Variants in GPC5 observed in about 807,000 individuals in gnomAD.
The protein encoded by GPC5 is glypican-5.
A neutral mutation model predicts 53.9 loss-of-function variants in GPC5; 47 were observed. The ratio of observed to expected loss-of-function variants is 0.87; its 90% CI spans 0.69 to 1.11. The LOEUF (loss-of-function observed/expected upper bound fraction) is 1.11. Ranked by LOEUF, GPC5 falls within the 50% of genes most tolerant of loss-of-function variation. The probability of loss-of-function intolerance (pLI) is 0.00; values close to 1 mark genes in which losing one functional copy is unlikely to be tolerated. For synonymous variants in GPC5, 286 were observed against 263.3 expected, an observed-to-expected ratio of 1.09 and a Z score of -0.84; for missense variants, 748 against 713.1, an observed-to-expected ratio of 1.05 and a Z score of -0.56.
At chr13:92,794,487 CCT>C (rs1285286448) in intron 7 of GPC5, among the ~76,000 whole-genome samples, 2 of 152,040 alleles carry the variant, frequency 1.3e-5, no homozygotes, top group Non-Finnish European at 2.9e-5. Context: ...ACAAGGATGC[CCT>C]CTCTCACCAT....
chr13:92,197,993 T>C (rs1280890002), intron 7 of GPC5, among the ~76,000 whole-genome samples: 2 of 152,278 alleles, frequency 1.3e-5, no homozygotes, highest in East Asian at 1.9e-4. Context: ...TCAAAGTCCT[T>C]GCACTTGTTA....
At chr13:92,006,964 T>G (rs2040612734) in intron 6 of GPC5, among the ~76,000 whole-genome samples, 1 of 140,942 alleles carries the variant, frequency 7.1e-6, no homozygotes, top group South Asian at 2.1e-4. Context: ...CTGCTTTAAT[T>G]ACATATCTTC....
intron 6 of GPC5, among the ~76,000 whole-genome samples, chr13:92,035,540 C>T (rs1240410373): frequency 6.6e-6 from 1 of 152,046 alleles, no homozygotes; most frequent in Admixed American, 6.5e-5. Context: ...TATTTCTCTG[C>T]CTTTACAGAA....
chr13:92,489,277 A>G (rs958617433), intron 7 of GPC5, among the ~76,000 whole-genome samples: 1 of 152,168 alleles, frequency 6.6e-6, no homozygotes, highest in Non-Finnish European at 1.5e-5. Context: ...ATACATATTT[A>G]TCAAGTATTA....
chr13:91,412,258 T>C (rs1566372775), intron 1 of GPC5, among the ~76,000 whole-genome samples: 1 of 152,256 alleles, frequency 6.6e-6, no homozygotes, highest in Non-Finnish European at 1.5e-5. Flanking sequence ...CGTGGCTGAA[T>C]TGCTCAATCA....
intron 7 of GPC5, among the ~76,000 whole-genome samples, chr13:92,291,226 T>G (rs1234684104): frequency 6.6e-6 from 1 of 151,848 alleles, no homozygotes; most frequent in Non-Finnish European, 1.5e-5. Context: ...GGCTGAGGAG[T>G]GCGGGCGCAT....
Position 92,866,309 on chromosome 13 carries a change from A to T in GPC5, c.1589A>T (p.Asp530Val), listed in dbSNP as rs750379314. The T allele has an allele frequency of 6.2e-7, 1 of 1,612,266 alleles. No homozygotes were observed. The highest frequency in any genetic ancestry group is 8.5e-7 in the Non-Finnish European group (1 of 1,178,840). ...ATGCCAGATGATATGAACTTCAGTGATGTAAAGCAAATCCATCAAACAGAC... is the reference window on the plus strand; with the variant it reads ...ATGCCAGATGATATGAACTTCAGTGTTGTAAAGCAAATCCATCAAACAGAC... Reference protein sequence around the residue: ...DWMPDDMNFSDVKQIHQTDTG... With the variant: ...DWMPDDMNFSVVKQIHQTDTG... Residue 530 changes from aspartate (D) to valine (V), a missense_variant, in exon 8 of 8, where the codon GAT becomes GTT. Asp to Val is a radical substitution (Grantham distance 152). Transcript: ENST00000377067.
intron 6 of GPC5, among the ~76,000 whole-genome samples, chr13:92,027,895 T>C (rs888491836): frequency 5.9e-5 from 9 of 152,200 alleles, no homozygotes; most frequent in Non-Finnish European, 1.0e-4. Context: ...CCAATATGTC[T>C]TATCCCATCC....
intron 2 of GPC5, among the ~76,000 whole-genome samples, chr13:91,580,728 G>A (rs958914574): frequency 6.6e-6 from 1 of 152,138 alleles, no homozygotes; most frequent in African/African-American, 2.4e-5. Flanking sequence ...CCTATTCCTT[G>A]CCATGCACAC....
chr13:92,114,601 G>C (rs2041585462), intron 6 of GPC5, among the ~76,000 whole-genome samples: 1 of 152,164 alleles, frequency 6.6e-6, no homozygotes, highest in Admixed American at 6.5e-5. Flanking sequence ...AAATGAGAGA[G>C]AACTGACATG....
intron 5 of GPC5, among the ~76,000 whole-genome samples, chr13:91,805,004 T>C (rs2038197424): frequency 1.3e-5 from 2 of 152,152 alleles, no homozygotes; most frequent in Admixed American, 1.3e-4. Context: ...GTGAACTGAT[T>C]TAGAGCTGCA....
At chr13:91,669,400 A>G in intron 2 of GPC5, among the ~76,000 whole-genome samples, 1 of 152,238 alleles carries the variant, frequency 6.6e-6, no homozygotes, top group Non-Finnish European at 1.5e-5. Context: ...TCCACAATAG[A>G]ATAGTACATT....
rs369800864 is a variant in GPC5 at position 91,878,208 on chromosome 13, T to C, written c.1281-29729T>C. 3.9e-5 allele frequency among the ~76,000 whole-genome samples: 6 copies of C among 152,118 alleles called. No homozygotes were observed. In the East Asian group the frequency reaches 5.8e-4, roughly 15 times the overall value. On this transcript the variant is annotated intron_variant, in intron 5 of 7. Coordinates refer to ENST00000377067, the MANE Select transcript of GPC5 (RefSeq NM_004466.6). ...GAAGTAGTTTGTGTAATAATATGAG[T>C]TTTCCACAGGTAATGTTCATATAAG...
intron 7 of GPC5, among the ~76,000 whole-genome samples, chr13:92,171,932 T>G (rs73622759): frequency 0.013 from 1,931 of 152,326 alleles, 55 homozygotes; most frequent in African/African-American, 0.043. Context: ...AGCTTCCTTG[T>G]ACTACCAACT....
chr13:92,120,397 A>G (rs1270303218), intron 6 of GPC5, among the ~76,000 whole-genome samples: 1 of 152,154 alleles, frequency 6.6e-6, no homozygotes, highest in Non-Finnish European at 1.5e-5. Flanking sequence ...AGCTGGGACT[A>G]CAGGTGTGCA....
intron 7 of GPC5, among the ~76,000 whole-genome samples, chr13:92,783,621 C>T (rs1876109321): frequency 6.6e-6 from 1 of 152,146 alleles, no homozygotes; most frequent in African/African-American, 2.4e-5. Context: ...GGCCAGAATC[C>T]ATTAGTTTCC....
At chr13:92,134,825 CGT>C (rs1366945282) in intron 6 of GPC5, among the ~76,000 whole-genome samples, 11 of 152,022 alleles carry the variant, frequency 7.2e-5, no homozygotes, top group African/African-American at 2.4e-4. Flanking sequence ...TATACATTTT[CGT>C]GTCAGTATAT....
intron 2 of GPC5, among the ~76,000 whole-genome samples, chr13:91,604,199 G>A (rs1392534603): frequency 1.1e-4 from 16 of 143,892 alleles, no homozygotes; most frequent in Middle Eastern, 3.5e-3. Context: ...GAGAATATGC[G>A]GTGTTTGGTT....
intron 7 of GPC5, among the ~76,000 whole-genome samples, chr13:92,848,705 A>C (rs1404249687): frequency 6.6e-6 from 1 of 152,168 alleles, no homozygotes; most frequent in African/African-American, 2.4e-5. Context: ...AAACACACAC[A>C]CTTGGGTAAA....
Sources: allele counts gnomAD v4.1 joint callset (sites outside exome capture counted in the v4.1 genomes callset), GRCh38; gene constraint gnomAD v4.1.1; transcripts MANE v1.5; gene names NCBI Gene and HGNC (gene_info 2026-07-23, HGNC 2026-07-21).